TMEM108: variants seen among roughly 807,000 people sequenced by gnomAD.
TMEM108 encodes cancer/testis antigen 124.
A neutral mutation model predicts 35.1 loss-of-function variants in TMEM108; 12 were observed. That is an observed-to-expected ratio of 0.34 (90% confidence interval 0.22 to 0.55). The LOEUF is 0.55. Among genes scored for constraint, TMEM108 ranks in the 20% least tolerant of loss-of-function variants. The probability of loss-of-function intolerance (pLI) is 0.89; values close to 1 mark genes in which losing one functional copy is unlikely to be tolerated. For synonymous variants in TMEM108, 287 were observed against 308.6 expected, an observed-to-expected ratio of 0.93 and a Z score of 0.73; for missense variants, 680 against 753.3, an observed-to-expected ratio of 0.90 and a Z score of 1.14.
chr3:133,331,284 T>G (rs1471443091), intron 3 of TMEM108, among the ~76,000 whole-genome samples: 2 of 152,200 alleles, frequency 1.3e-5, no homozygotes, highest in African/African-American at 2.4e-5. Flanking sequence ...ACGCTCACTG[T>G]CATCAGATGT....
chr3:133,283,713 C>T (rs1332036408), intron 3 of TMEM108, among the ~76,000 whole-genome samples: 1 of 152,184 alleles, frequency 6.6e-6, no homozygotes, highest in Non-Finnish European at 1.5e-5. Flanking sequence ...GTACTGTGTG[C>T]TGATAACTGA....
chr3:133,178,102 C>T (rs371087959), intron 2 of TMEM108, among the ~76,000 whole-genome samples: 2 of 152,096 alleles, frequency 1.3e-5, no homozygotes, highest in East Asian at 3.8e-4. Flanking sequence ...AATCCACCTT[C>T]CAAGGGATGT....
At chr3:133,111,886 C>A (rs1214877101) in intron 2 of TMEM108, among the ~76,000 whole-genome samples, 1 of 152,144 alleles carries the variant, frequency 6.6e-6, no homozygotes, top group Non-Finnish European at 1.5e-5. Flanking sequence ...TGCTTCCACC[C>A]AGTAACTTTC....
chr3:133,256,553 G>A (rs1392391448), intron 3 of TMEM108, among the ~76,000 whole-genome samples: 5 of 152,166 alleles, frequency 3.3e-5, no homozygotes. Context: ...GAGAATCAAA[G>A]TCTTATAAAT....
chr3:133,156,088 A>ATTTATTTATTTAT (rs1944877926), intron 2 of TMEM108, among the ~76,000 whole-genome samples: 5 of 149,280 alleles, frequency 3.3e-5, no homozygotes, highest in East Asian at 1.9e-4. Flanking sequence ...TTATTTATTT[A>ATTTATTTATTTAT]TTCTTTTTGG....
intron 3 of TMEM108, among the ~76,000 whole-genome samples, chr3:133,262,972 G>A (rs1460323363): frequency 1.3e-5 from 2 of 152,190 alleles, no homozygotes; most frequent in Admixed American, 1.3e-4. Flanking sequence ...ATGGGAACCT[G>A]TATTGAAATA....
intron 3 of TMEM108, among the ~76,000 whole-genome samples, chr3:133,300,459 T>C (rs1419742368): frequency 6.6e-6 from 1 of 152,042 alleles, no homozygotes; most frequent in African/African-American, 2.4e-5. Context: ...TTTGTTTTCA[T>C]CAGATGTGGT....
chr3:133,245,521 T>TAGTTTAA (rs1382149342), intron 3 of TMEM108, among the ~76,000 whole-genome samples: 1 of 152,204 alleles, frequency 6.6e-6, no homozygotes, highest in Non-Finnish European at 1.5e-5. Context: ...TACTTTTCCC[T>TAGTTTAA]AGTTTAAGTT....
intron 2 of TMEM108, among the ~76,000 whole-genome samples, chr3:133,167,688 G>A (rs1031914759): frequency 5.3e-5 from 8 of 152,222 alleles, no homozygotes; most frequent in Non-Finnish European, 1.0e-4. Flanking sequence ...CGCTCGGAGT[G>A]TGGGGCCCGC....
chr3:133,332,200 T>C (rs774709348), intron 3 of TMEM108, among the ~76,000 whole-genome samples: 2 of 152,116 alleles, frequency 1.3e-5, no homozygotes, highest in Non-Finnish European at 2.9e-5. Flanking sequence ...TGAAGTCTTA[T>C]AGGGGAGGGG....
At chr3:133,317,141 GACAA>G (rs1469729480) in intron 3 of TMEM108, among the ~76,000 whole-genome samples, 22 of 152,160 alleles carry the variant, frequency 1.4e-4, no homozygotes, top group Admixed American at 1.4e-3. Flanking sequence ...TTCCTGGACT[GACAA>G]ACATTCTCTG....
intron 2 of TMEM108, among the ~76,000 whole-genome samples, chr3:133,147,331 G>C (rs1170124758): frequency 6.6e-6 from 1 of 152,044 alleles, no homozygotes; most frequent in African/African-American, 2.4e-5. Flanking sequence ...GAGACTGTTT[G>C]TTATGATTTT....
chr3:133,380,105 C>T lies in TMEM108; in HGVS notation c.394C>T (p.Arg132Cys), dbSNP rs150713321. ...AACCACATCCTCCAAGCCAGAGGGC[C>T]GCCCTCGAGGGCAGGCTGCCCCCAC... ...MATTSSKPEGRPRGQAAPTIL... is the reference protein window; with the variant it reads ...MATTSSKPEGCPRGQAAPTIL... The change falls in exon 4 of 6, where the codon CGC becomes TGC. Residue 132 changes from arginine (R) to cysteine (C), a missense_variant. Around this residue, in one of 3 missense-constraint regions of TMEM108, gnomAD observed 526 missense variants for 532.1 expected, o/e 0.99. Transcript: ENST00000321871. The surrounding 1 kb of genome is among the most constrained non-coding windows in gnomAD (Gnocchi z 5.3). 6.7e-5 allele frequency: 108 copies of T among 1,613,888 alleles called. No individual in the cohort carries two copies. The highest frequency in any genetic ancestry group is 4.5e-4 in the Admixed American group (27 of 60,014).
chr3:133,196,588 T>C (rs1269916941), intron 2 of TMEM108, among the ~76,000 whole-genome samples: 2 of 152,198 alleles, frequency 1.3e-5, no homozygotes, highest in Admixed American at 6.5e-5. Flanking sequence ...CTAAAGTTAA[T>C]AGTATAAATG....
At chr3:133,212,274 CTAAA>C (rs1945843353) in intron 2 of TMEM108, among the ~76,000 whole-genome samples, 1 of 152,168 alleles carries the variant, frequency 6.6e-6, no homozygotes, top group African/African-American at 2.4e-5. Flanking sequence ...GAAATTCCAT[CTAAA>C]TATCCGGATT....
chr3:133,308,391 C>T (rs572077561), intron 3 of TMEM108, among the ~76,000 whole-genome samples: 2 of 152,250 alleles, frequency 1.3e-5, no homozygotes, highest in East Asian at 1.9e-4. Context: ...GAACTTCCAA[C>T]ACTATGTTGA....
intron 2 of TMEM108, among the ~76,000 whole-genome samples, chr3:133,159,487 C>G (rs1476956215): frequency 3.3e-5 from 5 of 152,186 alleles, no homozygotes; most frequent in African/African-American, 1.2e-4. Context: ...AGGGCTCTTG[C>G]ACCTTACTCA....
At chr3:133,199,705 G>A (rs948779318) in intron 2 of TMEM108, among the ~76,000 whole-genome samples, 12 of 152,060 alleles carry the variant, frequency 7.9e-5, no homozygotes, top group African/African-American at 2.9e-4. Context: ...CTACTGGGAG[G>A]TGCCTCCCAG....
intron 3 of TMEM108, among the ~76,000 whole-genome samples, chr3:133,315,572 A>G (rs2071188998): frequency 6.6e-6 from 1 of 152,206 alleles, no homozygotes; most frequent in Non-Finnish European, 1.5e-5. Context: ...GACACTAACA[A>G]CACAATCTCC....
Sources: allele counts gnomAD v4.1 joint callset (sites outside exome capture counted in the v4.1 genomes callset), GRCh38; gene constraint gnomAD v4.1.1; regional missense constraint gnomAD v4.1.1; non-coding constraint Gnocchi (gnomAD v3.1); transcripts MANE v1.5; gene names NCBI Gene and HGNC (gene_info 2026-07-23, HGNC 2026-07-21).